The following CLMP variants were observed in gnomAD, a reference collection of about 807,000 sequenced individuals.
CLMP encodes the protein CXADR-like membrane protein.
In CLMP, 27 loss-of-function variants were observed where a neutral mutation model predicts 45.2. The observed-to-expected ratio is 0.60, with a 90% CI of 0.44 to 0.82. The LOEUF (loss-of-function observed/expected upper bound fraction) is 0.82, where lower values mean the gene tolerates loss of function less well. Ranked by LOEUF, CLMP falls within the 40% of genes least tolerant of loss-of-function variation. The probability of loss-of-function intolerance (pLI) is 0.00; values close to 1 mark genes in which losing one functional copy is unlikely to be tolerated. For synonymous variants in CLMP, 167 were observed against 171.4 expected, an observed-to-expected ratio of 0.97 and a Z score of 0.20; for missense variants, 403 against 448.4, an observed-to-expected ratio of 0.90 and a Z score of 0.91.
intron 1 of CLMP, among the ~76,000 whole-genome samples, chr11:123,137,265 T>C (rs1475248046): frequency 2.0e-5 from 3 of 147,084 alleles, no homozygotes; most frequent in Non-Finnish European, 4.5e-5. Context: ...GCCATTCTCC[T>C]GCCTCAGCCT....
At chr11:123,091,381 A>G (rs1214865880) in intron 2 of CLMP, among the ~76,000 whole-genome samples, 1 of 152,210 alleles carries the variant, frequency 6.6e-6, no homozygotes, top group Non-Finnish European at 1.5e-5. Flanking sequence ...CTGGGATTAC[A>G]GGCATGAGCC....
At chr11:123,112,330 T>C (rs1242204070) in intron 1 of CLMP, among the ~76,000 whole-genome samples, 1 of 150,416 alleles carries the variant, frequency 6.6e-6, no homozygotes, top group Admixed American at 6.8e-5. Flanking sequence ...TTCTTTCTTT[T>C]TCTTTTTCTT....
intron 1 of CLMP, among the ~76,000 whole-genome samples, chr11:123,158,234 C>T (rs1355814574): frequency 6.6e-6 from 1 of 152,168 alleles, no homozygotes; most frequent in African/African-American, 2.4e-5. Flanking sequence ...TCTAAGTGCC[C>T]TTCCAATTAT....
intron 1 of CLMP, among the ~76,000 whole-genome samples, chr11:123,175,765 T>C (rs973542409): frequency 2.0e-5 from 3 of 152,220 alleles, no homozygotes; most frequent in African/African-American, 7.2e-5. Flanking sequence ...GTTCCATATA[T>C]TGAAGAAACT....
At chr11:123,157,314 G>A (rs1241806675) in intron 1 of CLMP, among the ~76,000 whole-genome samples, 1 of 152,154 alleles carries the variant, frequency 6.6e-6, no homozygotes, top group Admixed American at 6.5e-5. Flanking sequence ...CAGCACTTTG[G>A]GAGGTCGAGG....
At position 123,074,715 on chromosome 11, in the gene CLMP, G is replaced by A. The variant is rs1226258556; in HGVS notation, c.808C>T (p.Pro270Ser). 6.2e-7 allele frequency: 1 copy of A among 1,614,064 alleles called. No individual in the cohort carries two copies. The highest frequency in any genetic ancestry group is 1.7e-5 in the Admixed American group (1 of 59,990). ...TGGGAGGTTTACCGAATTTCATTAG[G>A]TCTCTCTTCTTCCTCATATCTTTCT... ...DKERYEEEER[P>S]NEIREDAEAP... The change falls in exon 6 of 7, where the codon CCT (proline) becomes TCT (serine). Residue 270 changes from proline to serine, a missense_variant. By Grantham distance (74) the Pro-to-Ser change is moderately conservative. Coordinates refer to ENST00000448775, the MANE Select transcript of CLMP (RefSeq NM_024769.5).
At chr11:123,114,190 G>A (rs1011657666) in intron 1 of CLMP, among the ~76,000 whole-genome samples, 41 of 152,230 alleles carry the variant, frequency 2.7e-4, no homozygotes, top group African/African-American at 9.4e-4. Flanking sequence ...GAAAATAATC[G>A]ATTGTTAGGG....
rs898016055 is a variant in CLMP, at chr11:123,106,433, G to A, written c.29-8481C>T. On this transcript the variant is annotated intron_variant, in intron 1 of 6. Coordinates refer to ENST00000448775, the MANE Select transcript of CLMP (RefSeq NM_024769.5). ...TGTGTGTGTGTGTGTGTGCGCGCGCGCGCGCGCACGTGCCTGCCTTCCAGA... is the reference window on the plus strand; with the variant it reads ...TGTGTGTGTGTGTGTGTGCGCGCGCACGCGCGCACGTGCCTGCCTTCCAGA... Among the ~76,000 whole-genome samples the A allele has an allele frequency of 8.3e-5, 8 of 96,592 alleles. No individual in the cohort carries two copies. In the East Asian group the frequency reaches 1.8e-3, roughly 21 times the overall value. The allele number at this position is 96,592 out of a possible 152,430, so 63.4% of individuals were successfully genotyped here.
intron 1 of CLMP, among the ~76,000 whole-genome samples, chr11:123,146,080 G>A (rs561063488): frequency 6.6e-6 from 1 of 152,316 alleles, no homozygotes; most frequent in South Asian, 2.1e-4. Context: ...TTTTATAGAT[G>A]GGGATGTTCA....
intron 1 of CLMP, among the ~76,000 whole-genome samples, chr11:123,181,333 T>C (rs1354184309): frequency 6.6e-6 from 1 of 152,188 alleles, no homozygotes; most frequent in African/African-American, 2.4e-5. Context: ...CACATGTCTT[T>C]TCTCCTGCTC....
In CLMP at chr11:123,083,749, C is replaced by A. The variant is rs753089200; in HGVS notation, c.487G>T (p.Val163Leu). Reference protein sequence around the residue: ...CESSSGTEPIVYYWQRIREKE... With the variant: ...CESSSGTEPILYYWQRIREKE... Reference sequence around the variant, plus strand: ...TCTCGGATTCGCTGCCAGTAATACACAATGGGCTCTGTGCCAGAGGATGAC... The same window carrying A: ...TCTCGGATTCGCTGCCAGTAATACAAAATGGGCTCTGTGCCAGAGGATGAC... Residue 163 changes from valine (V) to leucine (L), a missense_variant, in exon 4 of 7, where the codon GTG becomes TTG. By Grantham distance (32) the Val-to-Leu change is conservative. Coordinates refer to ENST00000448775, the MANE Select transcript of CLMP (RefSeq NM_024769.5). The A allele has an allele frequency of 5.6e-6, 9 of 1,614,120 alleles. No individual in the cohort carries two copies. The highest frequency in any genetic ancestry group is 7.6e-6 in the Non-Finnish European group (9 of 1,180,036).
At chr11:123,125,761 G>A (rs549703988) in intron 1 of CLMP, among the ~76,000 whole-genome samples, 3 of 151,316 alleles carry the variant, frequency 2.0e-5, no homozygotes, top group Admixed American at 1.3e-4. Context: ...GTGCCACCAC[G>A]CCTGGCTAAT....
At chr11:123,181,680 C>T (rs1015566284) in intron 1 of CLMP, among the ~76,000 whole-genome samples, 1 of 152,174 alleles carries the variant, frequency 6.6e-6, no homozygotes, top group Non-Finnish European at 1.5e-5. Flanking sequence ...TCTGTGTTTT[C>T]CTCTAAGATC....
intron 1 of CLMP, among the ~76,000 whole-genome samples, chr11:123,158,481 C>T (rs905344964): frequency 1.3e-5 from 2 of 152,186 alleles, no homozygotes; most frequent in African/African-American, 4.8e-5. Context: ...GCTGCTCTGG[C>T]CTGATGCCTT....
chr11:123,123,294 C>G (rs1490282473), intron 1 of CLMP, among the ~76,000 whole-genome samples: 2 of 131,682 alleles, frequency 1.5e-5, no homozygotes, highest in African/African-American at 2.9e-5. Flanking sequence ...GAGTCTTGCT[C>G]TGTCACTCAG....
At chr11:123,119,133 G>T (rs1047923190) in intron 1 of CLMP, among the ~76,000 whole-genome samples, 2 of 145,232 alleles carry the variant, frequency 1.4e-5, no homozygotes, top group East Asian at 4.2e-4. Context: ...GCCCAGGCTG[G>T]AGTGCAATGG....
At chr11:123,163,239 T>A (rs112059490) in intron 1 of CLMP, among the ~76,000 whole-genome samples, 134 of 152,248 alleles carry the variant, frequency 8.8e-4, no homozygotes, top group African/African-American at 2.8e-3. Flanking sequence ...TTCACTTCAG[T>A]TGGAGAAATT....
At chr11:123,121,499 T>C (rs1370193188) in intron 1 of CLMP, among the ~76,000 whole-genome samples, 1 of 152,138 alleles carries the variant, frequency 6.6e-6, no homozygotes, top group Non-Finnish European at 1.5e-5. Context: ...GGTTTCACCA[T>C]GTTGGCCAGG....
chr11:123,177,491 T>C (rs949277889), intron 1 of CLMP, among the ~76,000 whole-genome samples: 1 of 152,178 alleles, frequency 6.6e-6, no homozygotes, highest in African/African-American at 2.4e-5. Context: ...GGTAAATTTA[T>C]TCTTGAACTC....
Sources: allele counts gnomAD v4.1 joint callset (sites outside exome capture counted in the v4.1 genomes callset), GRCh38; gene constraint gnomAD v4.1.1; transcripts MANE v1.5; gene names NCBI Gene and HGNC (gene_info 2026-07-23, HGNC 2026-07-21).